The following ZNF804B variants were observed in gnomAD, a reference collection of about 807,000 sequenced individuals.
ZNF804B encodes the protein zinc finger protein 804B.
ZNF804B carries 80 observed loss-of-function variants against 101.4 expected under a neutral mutation model. The ratio of observed to expected loss-of-function variants is 0.79; its 90% CI spans 0.66 to 0.95. The LOEUF is 0.95. Ranked by LOEUF, ZNF804B falls within the 40% of genes least tolerant of loss-of-function variation. The probability of loss-of-function intolerance (pLI) is 0.00; values close to 1 mark genes in which losing one functional copy is unlikely to be tolerated. For missense variants in ZNF804B, 1,673 were observed against 1,561.9 expected (o/e 1.07, Z -1.20); for synonymous variants, 622 against 558.8 (o/e 1.11, Z -1.59).
chr7:89,106,624 G>A (rs1790141283), intron 1 of ZNF804B, among the ~76,000 whole-genome samples: 1 of 152,076 alleles, frequency 6.6e-6, no homozygotes, highest in Non-Finnish European at 1.5e-5. Flanking sequence ...CTTTAAGAAA[G>A]TCCCTTACTT....
At chr7:88,942,369 C>A (rs1793066166) in intron 1 of ZNF804B, among the ~76,000 whole-genome samples, 1 of 151,608 alleles carries the variant, frequency 6.6e-6, no homozygotes, top group Admixed American at 6.6e-5. Context: ...TGTATAAGAA[C>A]ATTTAAGTTT....
rs116524874 is a variant in ZNF804B at position 88,989,989 on chromosome 7, A to G, written c.109-228166A>G. Among the ~76,000 whole-genome samples, 715 of 152,178 alleles carry G rather than the reference A, an allele frequency of 4.7e-3. 6 individuals are homozygous for G. Among genetic ancestry groups the G allele is most frequent in the African/African-American group, 0.014 (572 of 41,550 alleles). On this transcript the variant is annotated intron_variant, in intron 1 of 3. Coordinates refer to ENST00000333190, the MANE Select transcript of ZNF804B (RefSeq NM_181646.5). ...TTTTCTTATGAAGACAACAAAGTTC[A>G]TAATAGCAAATTTGGAAAATTCAGA...
At chr7:89,179,205 C>G (rs766402266) in intron 1 of ZNF804B, among the ~76,000 whole-genome samples, 10 of 152,044 alleles carry the variant, frequency 6.6e-5, no homozygotes, top group Non-Finnish European at 1.3e-4. Flanking sequence ...ATATCTTTCT[C>G]TAGGTTTGAG....
chr7:89,270,384 GTTA>G (rs1330749888), intron 2 of ZNF804B, among the ~76,000 whole-genome samples: 2 of 152,130 alleles, frequency 1.3e-5, no homozygotes. Flanking sequence ...GTAGATGGGT[GTTA>G]TTATTTTTGA....
chr7:88,770,329 A>G (rs534862562), intron 1 of ZNF804B, among the ~76,000 whole-genome samples: 77 of 152,312 alleles, frequency 5.1e-4, no homozygotes, highest in African/African-American at 1.8e-3. Context: ...AGAGGGAGGC[A>G]TGAATGTCAG....
At chr7:89,147,904 T>C (rs925241228) in intron 1 of ZNF804B, among the ~76,000 whole-genome samples, 8 of 151,812 alleles carry the variant, frequency 5.3e-5, no homozygotes, top group African/African-American at 1.9e-4. Context: ...TACAATATGC[T>C]GAGTTGTATA....
chr7:89,183,742 G>T (rs1788334508), intron 1 of ZNF804B, among the ~76,000 whole-genome samples: 2 of 152,154 alleles, frequency 1.3e-5, no homozygotes, highest in South Asian at 4.1e-4. Context: ...ATTTTATGAA[G>T]AAAAATATGA....
At position 89,117,544 on chromosome 7, in the gene ZNF804B, C is replaced by T. The variant is rs566104785; in HGVS notation, c.109-100611C>T. On this transcript the variant is annotated intron_variant, in intron 1 of 3. Coordinates refer to ENST00000333190, the MANE Select transcript of ZNF804B (RefSeq NM_181646.5). ...CTATATCCAATCACTAATCAAAAAG[C>T]AGCCATTACTCAGTATGATACCCAG... Among the ~76,000 whole-genome samples, 4 of 152,302 alleles carry T rather than the reference C, an allele frequency of 2.6e-5. No individual in the cohort carries two copies. The East Asian group carries it at 5.8e-4, about 22-fold the overall frequency.
intron 1 of ZNF804B, among the ~76,000 whole-genome samples, chr7:89,202,024 G>A (rs1026680266): frequency 6.6e-6 from 1 of 151,892 alleles, no homozygotes; most frequent in Admixed American, 6.6e-5. Context: ...TGTATCTTAT[G>A]AATTAATCCT....
rs1256318861 is a variant in ZNF804B, at chr7:88,845,284, C to CGT, written c.108+85201_108+85202insTG. 9.0e-3 allele frequency among the ~76,000 whole-genome samples: 998 copies of CGT among 111,166 alleles called. 11 individuals are homozygous for CGT. Among genetic ancestry groups the CGT allele is most frequent in the African/African-American group, 0.041 (927 of 22,560 alleles). 72.9% of individuals were successfully genotyped at this position (111,166 alleles called of 152,430 possible). ...ACACATATGCGCATGTGTGCGCACGCGCGCGCGCACGCGCGCGCACACACA... is the reference window on the plus strand; with the variant it reads ...ACACATATGCGCATGTGTGCGCACGCGTGCGCGCGCACGCGCGCGCACACACA... On this transcript the variant is annotated intron_variant, in intron 1 of 3. Coordinates refer to ENST00000333190, the MANE Select transcript of ZNF804B (RefSeq NM_181646.5).
intron 1 of ZNF804B, among the ~76,000 whole-genome samples, chr7:89,095,076 T>A (rs2116330533): frequency 6.6e-6 from 1 of 152,330 alleles, no homozygotes; most frequent in Admixed American, 6.5e-5. Context: ...CCAAAATTCA[T>A]GTTGAAACTT....
chr7:89,022,429 A>G (rs1202313323), intron 1 of ZNF804B, among the ~76,000 whole-genome samples: 2 of 151,870 alleles, frequency 1.3e-5, no homozygotes, highest in East Asian at 1.9e-4. Context: ...GATGATCCTG[A>G]TTTTCTTTAT....
intron 1 of ZNF804B, among the ~76,000 whole-genome samples, chr7:88,885,358 A>G (rs1016306461): frequency 4.6e-5 from 7 of 151,720 alleles, no homozygotes; most frequent in African/African-American, 7.2e-5. Context: ...ATCTTTTCTC[A>G]TAGAACAATA....
rs546911892 is a variant in ZNF804B, at chr7:88,906,854, G to T, written c.108+146770G>T. ...TGTGTTAAAGTTTCCCACTATTATTGTATAGCTGTTTAAGTCTTTTCATAG... is the reference window on the plus strand; with the variant it reads ...TGTGTTAAAGTTTCCCACTATTATTTTATAGCTGTTTAAGTCTTTTCATAG... On this transcript the variant is annotated intron_variant, in intron 1 of 3. Coordinates refer to ENST00000333190, the MANE Select transcript of ZNF804B (RefSeq NM_181646.5). Among the ~76,000 whole-genome samples, 5 of 152,088 alleles carry T rather than the reference G, an allele frequency of 3.3e-5. No individual in the cohort carries two copies. The South Asian group carries it at 1.0e-3, about 32-fold the overall frequency.
intron 1 of ZNF804B, among the ~76,000 whole-genome samples, chr7:88,933,248 C>G (rs1277078785): frequency 6.6e-6 from 1 of 151,710 alleles, no homozygotes; most frequent in Non-Finnish European, 1.5e-5. Flanking sequence ...TTTAATATCC[C>G]TTTATAATAA....
At chr7:89,102,190 A>C (rs369281107) in intron 1 of ZNF804B, among the ~76,000 whole-genome samples, 32 of 152,112 alleles carry the variant, frequency 2.1e-4, no homozygotes, top group African/African-American at 7.7e-4. Flanking sequence ...GTAGATATTC[A>C]GTAGAAGGAT....
At chr7:88,900,265 C>A (rs1792368900) in intron 1 of ZNF804B, among the ~76,000 whole-genome samples, 1 of 151,878 alleles carries the variant, frequency 6.6e-6, no homozygotes, top group South Asian at 2.1e-4. Flanking sequence ...TTATTTGATT[C>A]TAGGATTTTT....
intron 1 of ZNF804B, among the ~76,000 whole-genome samples, chr7:88,886,583 A>G (rs959636887): frequency 6.6e-6 from 1 of 152,034 alleles, no homozygotes; most frequent in East Asian, 1.9e-4. Flanking sequence ...ATAACTAATA[A>G]TGCATTATTT....
At chr7:89,205,010 A>C (rs1788694769) in intron 1 of ZNF804B, among the ~76,000 whole-genome samples, 1 of 152,076 alleles carries the variant, frequency 6.6e-6, no homozygotes, top group South Asian at 2.1e-4. Flanking sequence ...GGCTGGGGAG[A>C]CCTCACAATC....
Sources: allele counts gnomAD v4.1 joint callset (sites outside exome capture counted in the v4.1 genomes callset), GRCh38; gene constraint gnomAD v4.1.1; transcripts MANE v1.5; gene names NCBI Gene and HGNC (gene_info 2026-07-23, HGNC 2026-07-21).